ZBTB8B: variants seen among roughly 807,000 people sequenced by gnomAD.
ZBTB8B encodes zinc finger and BTB domain-containing protein 8B.
A neutral mutation model predicts 30.3 loss-of-function variants in ZBTB8B; 17 were observed. The observed-to-expected ratio is 0.56, with a 90% CI of 0.38 to 0.84. The LOEUF (loss-of-function observed/expected upper bound fraction) is 0.84, where lower values mean the gene tolerates loss of function less well. Among genes scored for constraint, ZBTB8B ranks in the 40% least tolerant of loss-of-function variants. The pLI is 0.00. For missense variants in ZBTB8B, 515 were observed against 644.9 expected (o/e 0.80, Z 2.18); for synonymous variants, 248 against 255.6 (o/e 0.97, Z 0.28).
At chr1:32,476,055 T>C (rs1045370361) in intron 2 of ZBTB8B, among the ~76,000 whole-genome samples, 1 of 152,092 alleles carries the variant, frequency 6.6e-6, no homozygotes, top group Admixed American at 6.6e-5. Flanking sequence ...TGACCTTAAG[T>C]GATCCACCCG....
rs1403609644 is a variant in ZBTB8B at position 32,489,795 on chromosome 1, A to G, written c.*4377A>G. 6.6e-6 allele frequency: 1 copy of G among 152,188 alleles called. No individual in the cohort carries two copies. Among genetic ancestry groups the G allele is most frequent in the East Asian group, 1.9e-4 (1 of 5,198 alleles). The allele number at this position is 152,188 out of a possible 1,614,324, so 9.4% of individuals were successfully genotyped here. ...CCCCCTTCTCAAAAGTTGAGAAGGA[A>G]TGTAAATAGGGCCTTACCTATAATA... On this transcript the variant is annotated 3_prime_UTR_variant, in exon 4 of 4. Coordinates refer to ENST00000609129, the MANE Select transcript of ZBTB8B (RefSeq NM_001145720.2).
chr1:32,475,623 G>A (rs1190293759), intron 2 of ZBTB8B, among the ~76,000 whole-genome samples: 3 of 151,974 alleles, frequency 2.0e-5, no homozygotes, highest in East Asian at 1.9e-4. Context: ...TGTAAATGAC[G>A]TCACATGCTA....
At chr1:32,477,548 T>C (rs1325613670) in intron 2 of ZBTB8B, among the ~76,000 whole-genome samples, 2 of 152,160 alleles carry the variant, frequency 1.3e-5, no homozygotes, top group East Asian at 3.8e-4. Context: ...AGTTCCACAG[T>C]GCCAGAGGAG....
intron 1 of ZBTB8B, among the ~76,000 whole-genome samples, chr1:32,468,840 G>A (rs538221413): frequency 8.6e-5 from 13 of 150,934 alleles, no homozygotes; most frequent in South Asian, 4.2e-4. Context: ...CAGCCTGGGC[G>A]AGAGAGGGAG....
intron 2 of ZBTB8B, 95 bp downstream of exon 2, chr1:32,471,710 A>G (rs1324755675): frequency 2.4e-5 from 32 of 1,353,058 alleles, no homozygotes; most frequent in Non-Finnish European, 3.0e-5. Flanking sequence ...TATCACCATC[A>G]TCATTGTCAC....
intron 2 of ZBTB8B, among the ~76,000 whole-genome samples, chr1:32,475,473 C>T (rs1643658306): frequency 6.6e-6 from 1 of 152,130 alleles, no homozygotes; most frequent in Non-Finnish European, 1.5e-5. Context: ...GTGATCCCAG[C>T]TACTCGGGAG....
Position 32,485,322 on chromosome 1 carries a change from T to G in ZBTB8B, c.1392T>G (p.Tyr464Ter), listed in dbSNP as rs1174693436. The G allele has an allele frequency of 6.4e-7, 1 of 1,552,246 alleles. No homozygotes were observed. Among genetic ancestry groups the G allele is most frequent in the Admixed American group, 2.0e-5 (1 of 50,986 alleles). Residue 464 changes from tyrosine to a stop codon, truncating the protein, a stop_gained, in exon 4 of 4, where the codon TAT becomes TAG. Transcript: ENST00000609129. LOFTEE classifies it low-confidence loss of function (END_TRUNC). ...ACACAGACAATGACTGGCCAATCTA[T>G]GTGGAGTCGGGTGAGGAAAATGACC... ...KSDTDNDWPIYVESGEENDPA... is the reference protein window; with the variant it reads ...KSDTDNDWPI
In ZBTB8B at chr1:32,471,412, C is replaced by T; in HGVS notation, c.788C>T (p.Pro263Leu). Residue 263 changes from proline to leucine, a missense_variant, in exon 2 of 4, where the codon CCA (proline) becomes CTA (leucine). Physicochemically the swap from Pro to Leu is moderately conservative, Grantham distance 98. This residue lies in a region of ZBTB8B where 429 missense variants were observed against 504.3 expected (regional missense o/e 0.85). Transcript: ENST00000609129. Reference protein sequence around the residue: ...LNLAHVEEALPSGQAVDLAYS... With the variant: ...LNLAHVEEALLSGQAVDLAYS... The stretch of plus-strand genomic sequence containing the variant: ...CTGGCCCACGTGGAGGAGGCCTTGC[C>T]AAGCGGCCAGGCGGTTGACTTGGCT... 1.3e-6 allele frequency: 2 copies of T among 1,551,848 alleles called. No homozygotes were observed. Among genetic ancestry groups the T allele is most frequent in the Non-Finnish European group, 1.7e-6 (2 of 1,147,028 alleles).
At chr1:32,467,150 C>T (rs925336751) in intron 1 of ZBTB8B, among the ~76,000 whole-genome samples, 5 of 151,854 alleles carry the variant, frequency 3.3e-5, no homozygotes, top group African/African-American at 9.7e-5. Flanking sequence ...AGTAAGACCC[C>T]GTCTCAAAAG....
In ZBTB8B at chr1:32,469,246, AT is replaced by A. The variant is rs541160413; in HGVS notation, c.-41-1321del. ...TTGATACACTAAACACTCAAGTATA[AT>A]TTTTTTTTTTTTTTTTGAGACAGAA... On this transcript the variant is annotated intron_variant, in intron 1 of 3. Coordinates refer to ENST00000609129, the MANE Select transcript of ZBTB8B (RefSeq NM_001145720.2). 3.4e-3 allele frequency among the ~76,000 whole-genome samples: 395 copies of A among 117,324 alleles called. 3 individuals carry two copies. The highest frequency in any genetic ancestry group is 6.9e-3 in the South Asian group (25 of 3,606). 77.0% of individuals were successfully genotyped at this position (117,324 alleles called of 152,430 possible). A position where few individuals can be genotyped will look rare whatever the true frequency, so the allele number is the denominator to read the frequency against.
chr1:32,496,432 T>C lies in ZBTB8B; in HGVS notation c.*11014T>C, dbSNP rs1643817806. ...TGGATTAGTTCATTACAAAGGCACT[T>C]GTCAAAACATATTTATTAAAAAGAG... On this transcript the variant is annotated 3_prime_UTR_variant, in exon 4 of 4. Transcript: ENST00000609129. 1.3e-5 allele frequency: 2 copies of C among 152,218 alleles called. No homozygotes were observed. The highest frequency in any genetic ancestry group is 4.8e-5 in the African/African-American group (2 of 41,462). 9.4% of individuals were successfully genotyped at this position (152,218 alleles called of 1,614,324 possible).
Position 32,470,805 on chromosome 1 carries a change from G to A in ZBTB8B, c.181G>A (p.Gly61Arg), listed in dbSNP as rs1440136537. 9.0e-6 allele frequency: 14 copies of A among 1,551,690 alleles called. No homozygotes were observed. In the East Asian group the frequency reaches 2.7e-4, roughly 30 times the overall value. ...ALLIHYIQDS[G>R]RHSTASLDIV... ...GCTCATTCACTATATCCAGGACAGC[G>A]GGCGGCATAGCACCGCCTCCTTGGA... The change falls in exon 2 of 4, where the codon GGG becomes AGG. Residue 61 changes from glycine to arginine, a missense_variant. Physicochemically the swap from Gly to Arg is moderately radical, Grantham distance 125 (BLOSUM62 -2). Transcript: ENST00000609129.
chr1:32,477,856 A>G (rs780188891), intron 2 of ZBTB8B, among the ~76,000 whole-genome samples: 2 of 151,832 alleles, frequency 1.3e-5, no homozygotes, highest in East Asian at 3.9e-4. Flanking sequence ...CAGGAGTTTG[A>G]GATCAGCCTG....
At chr1:32,467,456 G>A (rs981975168) in intron 1 of ZBTB8B, among the ~76,000 whole-genome samples, 3 of 151,910 alleles carry the variant, frequency 2.0e-5, no homozygotes, top group Non-Finnish European at 4.4e-5. Flanking sequence ...GTTTCACTAC[G>A]TTGGCCAGGC....
intron 1 of ZBTB8B, among the ~76,000 whole-genome samples, chr1:32,469,832 C>T (rs755677162): frequency 2.0e-5 from 3 of 152,004 alleles, no homozygotes; most frequent in Admixed American, 6.6e-5. Flanking sequence ...TATTTTTTTC[C>T]ATAAATTAAC....
At chr1:32,467,243 GTTT>G (rs1207043175) in intron 1 of ZBTB8B, among the ~76,000 whole-genome samples, 7 of 134,680 alleles carry the variant, frequency 5.2e-5, no homozygotes, top group Non-Finnish European at 9.5e-5. Context: ...CCACACACTT[GTTT>G]TTTTTTTTTT....
In ZBTB8B at chr1:32,490,981, C is replaced by T. The variant is rs1643776420; in HGVS notation, c.*5563C>T. On this transcript the variant is annotated 3_prime_UTR_variant, in exon 4 of 4. Coordinates refer to ENST00000609129, the MANE Select transcript of ZBTB8B (RefSeq NM_001145720.2). ...TTCATAACTGAAGGAGAACATTTAG[C>T]ATCCGTCTTGACCCTCCAGGTAGAT... is the stretch of plus-strand genomic sequence containing the variant. The T allele has an allele frequency of 6.6e-6, 1 of 152,206 alleles. No individual in the cohort carries two copies. The highest frequency in any genetic ancestry group is 2.1e-4 in the South Asian group (1 of 4,830). The allele number at this position is 152,206 out of a possible 1,614,324, so 9.4% of individuals were successfully genotyped here. A position where few individuals can be genotyped will look rare whatever the true frequency, so the allele number is the denominator to read the frequency against.
chr1:32,483,453 A>T (rs1423964373), intron 3 of ZBTB8B, among the ~76,000 whole-genome samples: 1 of 151,610 alleles, frequency 6.6e-6, no homozygotes, highest in Admixed American at 6.6e-5. Context: ...ACAACAACAA[A>T]AAAACATAGT....
intron 1 of ZBTB8B, among the ~76,000 whole-genome samples, chr1:32,467,395 G>A (rs965551715): frequency 6.6e-6 from 1 of 151,926 alleles, no homozygotes; most frequent in East Asian, 1.9e-4. Flanking sequence ...GGGATTACAG[G>A]TGCCCGCCAC....
Sources: gnomAD v4.1 joint callset for allele counts (sites outside exome capture counted in the v4.1 genomes callset) on GRCh38, gnomAD v4.1.1 for gene constraint, gnomAD v4.1.1 regional missense constraint, MANE v1.5 for transcripts, NCBI Gene and HGNC (gene_info 2026-07-23, HGNC 2026-07-21) for gene names.